Variants in HDAC8 observed in about 807,000 individuals in gnomAD.
HDAC8 encodes the protein histone deacetylase-like 1.
A neutral mutation model predicts 32.2 loss-of-function variants in HDAC8; 1 was observed. That is an observed-to-expected ratio of 0.03 (90% confidence interval 0.01 to 0.15). The LOEUF (loss-of-function observed/expected upper bound fraction) is 0.15, where lower values mean the gene tolerates loss of function less well. Ranked by LOEUF, HDAC8 falls within the 10% of genes least tolerant of loss-of-function variation. The pLI is 1.00. For synonymous variants in HDAC8, 108 were observed against 113.9 expected (o/e 0.95, Z 0.33); for missense variants, 117 against 300.0 (o/e 0.39, Z 4.51).
At chrX:72,461,614 G>A (rs1226427062) in intron 9 of HDAC8, among the ~76,000 whole-genome samples, 1 of 110,798 alleles carries the variant, frequency 9.0e-6, no homozygotes, top group Non-Finnish European at 1.9e-5. Context: ...CATGTGCCAC[G>A]TACCACCTAT....
chrX:72,330,382 C>T (rs1391230111), intron 10 of HDAC8, among the ~76,000 whole-genome samples: 1 of 111,566 alleles, frequency 9.0e-6, no homozygotes, highest in Non-Finnish European at 1.9e-5. Context: ...AGCCACCCAG[C>T]TGAACTCAGC....
intron 4 of HDAC8, among the ~76,000 whole-genome samples, chrX:72,564,070 G>A (rs1556127899): frequency 9.0e-6 from 1 of 111,369 alleles, no homozygotes; most frequent in Non-Finnish European, 1.9e-5. Flanking sequence ...TGAGGCAGGA[G>A]AATCGCTTGA....
intron 9 of HDAC8, among the ~76,000 whole-genome samples, chrX:72,446,388 A>G (rs1602897710): frequency 9.0e-6 from 1 of 111,348 alleles, no homozygotes; most frequent in Middle Eastern, 4.6e-3. Context: ...CTTTGTAGGG[A>G]CATGGATGAA....
intron 9 of HDAC8, among the ~76,000 whole-genome samples, chrX:72,356,739 C>T (rs1353228174): frequency 9.0e-6 from 1 of 111,421 alleles, no homozygotes; most frequent in Admixed American, 9.5e-5. Context: ...ACCACCATGC[C>T]CAGCTAATTT....
intron 7 of HDAC8, among the ~76,000 whole-genome samples, chrX:72,475,892 G>A (rs1391385870): frequency 9.0e-6 from 1 of 111,252 alleles, no homozygotes; most frequent in African/African-American, 3.3e-5. Context: ...TTTTCGTAAC[G>A]TAATTTCTTA....
chrX:72,474,614 G>A (rs782023176), intron 7 of HDAC8: 122 of 1,183,692 alleles, frequency 1.0e-4, no homozygotes, highest in Non-Finnish European at 1.3e-4. Context: ...TTCTTGATGA[G>A]AAACCTGATC....
intron 10 of HDAC8, among the ~76,000 whole-genome samples, chrX:72,344,095 A>G (rs1555946070): frequency 1.8e-5 from 2 of 111,586 alleles, no homozygotes; most frequent in Non-Finnish European, 3.8e-5. Context: ...ACCCAGCAAT[A>G]CTGAGGTGCC....
intron 9 of HDAC8, among the ~76,000 whole-genome samples, chrX:72,377,857 C>A (rs1555958744): frequency 9.0e-6 from 1 of 111,246 alleles, no homozygotes; most frequent in African/African-American, 3.3e-5. Context: ...GCTACTTGTT[C>A]TCCATGTCTT....
chrX:72,366,896 C>T (rs1322422227), intron 9 of HDAC8, among the ~76,000 whole-genome samples: 2 of 111,848 alleles, frequency 1.8e-5, no homozygotes, highest in Non-Finnish European at 3.8e-5. Context: ...TCTGAGCAGC[C>T]CCTTTTTGTC....
At chrX:72,360,228 A>C (rs1672656814) in intron 9 of HDAC8, among the ~76,000 whole-genome samples, 2 of 101,614 alleles carry the variant, frequency 2.0e-5, no homozygotes, top group South Asian at 9.2e-4. Flanking sequence ...GGTGCCGCAC[A>C]CCTGTAATCC....
chrX:72,461,767 A>G (rs2047873430), intron 9 of HDAC8, among the ~76,000 whole-genome samples: 1 of 112,196 alleles, frequency 8.9e-6, no homozygotes, highest in South Asian at 3.8e-4. Flanking sequence ...CAGTCTCTGT[A>G]ATTAATTGAG....
intron 9 of HDAC8, among the ~76,000 whole-genome samples, chrX:72,386,763 A>C (rs1266340742): frequency 1.8e-5 from 2 of 111,480 alleles, no homozygotes; most frequent in African/African-American, 3.3e-5. Context: ...TGGACTCCAA[A>C]CCTGGGTGTA....
chrX:72,571,972 A>G, intron 2 of HDAC8, 85 bp downstream of exon 2: 1 of 799,824 alleles, frequency 1.3e-6, no homozygotes, highest in South Asian at 2.8e-5. Flanking sequence ...TCAAAAGACC[A>G]TTCTTTTCCT....
intron 1 of HDAC8, 47 bp downstream of exon 1, chrX:72,572,604 C>A (rs782113636): frequency 3.4e-6 from 2 of 590,373 alleles, no homozygotes; most frequent in Non-Finnish European, 2.5e-6. Context: ...CCACCGCCCC[C>A]ACCCCCACCC....
chrX:72,379,247 A>G (rs1389724270), intron 9 of HDAC8, among the ~76,000 whole-genome samples: 1 of 111,435 alleles, frequency 9.0e-6, no homozygotes, highest in Non-Finnish European at 1.9e-5. Context: ...ATTTTGGTAC[A>G]TATTTAAAAT....
intron 9 of HDAC8, among the ~76,000 whole-genome samples, chrX:72,359,057 G>GTT (rs782782513): frequency 5.9e-5 from 6 of 101,937 alleles, no homozygotes; most frequent in Middle Eastern, 5.0e-3. Context: ...GCTGTATACT[G>GTT]TTTTTTTTTT....
intron 9 of HDAC8, among the ~76,000 whole-genome samples, chrX:72,408,757 G>T (rs782742808): frequency 4.5e-5 from 5 of 111,767 alleles, no homozygotes; most frequent in Admixed American, 9.5e-5. Flanking sequence ...ATATGAAAGT[G>T]GGGGTATGCC....
intron 7 of HDAC8, among the ~76,000 whole-genome samples, chrX:72,477,615 C>T (rs1420013738): frequency 7.1e-5 from 8 of 112,197 alleles, no homozygotes; most frequent in African/African-American, 2.6e-4. Flanking sequence ...TCTGCAATGC[C>T]GTCATACAAT....
At chrX:72,403,128 T>A (rs1433657410) in intron 9 of HDAC8, among the ~76,000 whole-genome samples, 1 of 112,209 alleles carries the variant, frequency 8.9e-6, no homozygotes, top group Non-Finnish European at 1.9e-5. Context: ...TTTGATTAGA[T>A]TGTTTAATCT....
Sources: gnomAD v4.1 joint callset for allele counts (sites outside exome capture counted in the v4.1 genomes callset) on GRCh38, gnomAD v4.1.1 for gene constraint, MANE v1.5 for transcripts, NCBI Gene and HGNC (gene_info 2026-07-23, HGNC 2026-07-21) for gene names.